Variants in ZNF839 observed in about 807,000 individuals in gnomAD.
The protein encoded by ZNF839 is renal carcinoma antigen NY-REN-50.
ZNF839 carries 38 observed loss-of-function variants against 56.4 expected under a neutral mutation model. That is an observed-to-expected ratio of 0.67 (90% CI 0.52 to 0.88). The LOEUF (loss-of-function observed/expected upper bound fraction) is 0.88, where lower values mean the gene tolerates loss of function less well. Among genes scored for constraint, ZNF839 ranks in the 40% least tolerant of loss-of-function variants. ZNF839 has a pLI of 0.00. For missense variants in ZNF839, 1,091 were observed against 1,177.6 expected (o/e 0.93, Z 1.08); for synonymous variants, 486 against 493.5 (o/e 0.98, Z 0.20).
chr14:102,328,375 AATATATATATATATAT>A (rs71116898), intron 2 of ZNF839, among the ~76,000 whole-genome samples: 239 of 16,332 alleles, frequency 0.015, 8 homozygotes, highest in African/African-American at 0.021. Context: ...AAAAAAAAAA[AATATATATATATATAT>A]ATATATATAT....
chr14:102,323,267 ATGC>A (rs977315514), intron 1 of ZNF839, among the ~76,000 whole-genome samples: 3 of 152,228 alleles, frequency 2.0e-5, no homozygotes, highest in Non-Finnish European at 2.9e-5. Context: ...AGAGGCAGAG[ATGC>A]TGCTGGCCAT....
chr14:102,321,554 G>C (rs908774667), intron 1 of ZNF839, among the ~76,000 whole-genome samples: 1 of 152,204 alleles, frequency 6.6e-6, no homozygotes, highest in African/African-American at 2.4e-5. Context: ...TACCTTTGCA[G>C]CACATTCTTT....
intron 7 of ZNF839, 30 bp from the exon 8 acceptor site, chr14:102,341,293 C>T: frequency 6.6e-7 from 1 of 1,513,564 alleles, no homozygotes; most frequent in Non-Finnish European, 8.8e-7. Context: ...ACAGTACACG[C>T]CATGTTCACC....
chr14:102,319,203 G>T (rs1450990200), upstream of ZNF839: 4 of 152,220 alleles, frequency 2.6e-5, no homozygotes, highest in Non-Finnish European at 4.4e-5. The surrounding 1 kb of genome is among the most constrained non-coding windows in gnomAD (Gnocchi z 4.5). Context: ...CCTGTGCTGG[G>T]CACCGATTGT....
At chr14:102,328,372 AAAAATATATATATATATATAT>A (rs1175547055) in intron 2 of ZNF839, among the ~76,000 whole-genome samples, 50 of 44,486 alleles carry the variant, frequency 1.1e-3, no homozygotes, top group African/African-American at 4.2e-3. Context: ...AAAAAAAAAA[AAAAATATATATATATATATAT>A]ATATATATAT....
At position 102,341,918 on chromosome 14, in the gene ZNF839, G is replaced by A. The variant is rs1427905827; in HGVS notation, c.2523G>A (p.Ser841=). The A allele has an allele frequency of 6.8e-6, 11 of 1,614,024 alleles. No homozygotes were observed. Among genetic ancestry groups the A allele is most frequent in the Middle Eastern group, 1.6e-4 (1 of 6,062 alleles). Residue 841 remains serine (S), a synonymous_variant, in exon 8 of 8, where the codon TCG becomes TCA. Coordinates refer to ENST00000442396, the MANE Select transcript of ZNF839 (RefSeq NM_018335.6). The part of the protein sequence containing the change: ...LLTEGCLRSL[S]GDLNRFPCGM... ...CTGAAGGGTGTCTCAGAAGCCTTTC[G>A]GGGGACTTGAACCGGTTCCCCTGTG...
intron 2 of ZNF839, among the ~76,000 whole-genome samples, chr14:102,329,061 C>G (rs2073631937): frequency 6.6e-6 from 1 of 151,942 alleles, no homozygotes; most frequent in Non-Finnish European, 1.5e-5. Flanking sequence ...CCTCTACCTC[C>G]CGGGTTCAAG....
chr14:102,335,939 G>GACTACA, intron 5 of ZNF839, 101 bp downstream of exon 5: 1 of 1,362,740 alleles, frequency 7.3e-7, no homozygotes, highest in Non-Finnish European at 1.0e-6. Context: ...AGTGCTTTGG[G>GACTACA]AGACTGAGGC....
At chr14:102,328,611 CA>C (rs2073599872) in intron 2 of ZNF839, among the ~76,000 whole-genome samples, 1 of 151,480 alleles carries the variant, frequency 6.6e-6, no homozygotes, top group Non-Finnish European at 1.5e-5. Flanking sequence ...GAAAAAGAAA[CA>C]AAAAAACTAA....
In ZNF839 at chr14:102,334,521, C is replaced by T. The variant is rs115998813; in HGVS notation, c.1417-33C>T. 4.3e-4 allele frequency: 643 copies of T among 1,491,960 alleles called. 2 individuals are homozygous for T. In the African/African-American group the frequency reaches 7.8e-3, roughly 18 times the overall value. 92.4% of individuals were successfully genotyped at this position (1,491,960 alleles called of 1,614,324 possible). ...TGGCTATTGGGAAATTCTTACGGGACATTCAAAGGCATGAAATGCTTTCCC... is the reference window on the plus strand; with the variant it reads ...TGGCTATTGGGAAATTCTTACGGGATATTCAAAGGCATGAAATGCTTTCCC... On this transcript the variant is annotated intron_variant, in intron 3 of 7. Coordinates refer to ENST00000442396, the MANE Select transcript of ZNF839 (RefSeq NM_018335.6).
chr14:102,322,709 T>A (rs906885124), intron 1 of ZNF839, among the ~76,000 whole-genome samples: 13 of 152,114 alleles, frequency 8.5e-5, no homozygotes, highest in African/African-American at 3.1e-4. Flanking sequence ...GGGCTACATG[T>A]ATGCACCATC....
chr14:102,322,673 T>A (rs1165218018), intron 1 of ZNF839, among the ~76,000 whole-genome samples: 1 of 152,156 alleles, frequency 6.6e-6, no homozygotes, highest in Admixed American at 6.5e-5. Flanking sequence ...CAAATGATCC[T>A]CACACCTCAG....
intron 2 of ZNF839, among the ~76,000 whole-genome samples, chr14:102,327,977 C>T (rs925505265): frequency 6.6e-6 from 1 of 152,206 alleles, no homozygotes; most frequent in South Asian, 2.1e-4. Context: ...GTCCTCTCCC[C>T]CTTCTGCTGC....
chr14:102,341,957 C>T lies in ZNF839; in HGVS notation c.2562C>T (p.His854=), dbSNP rs748045383. The stretch of plus-strand genomic sequence containing the variant: ...GGTTCCCCTGTGGGATGGAGGTGCA[C>T]TCTGGCCAGAGAGAACTGGAGAGCG... ...LNRFPCGMEV[H]SGQRELESVV... Residue 854 remains histidine (H), a synonymous_variant, in exon 8 of 8, where the codon CAC becomes CAT. Transcript: ENST00000442396. 2.5e-6 allele frequency: 4 copies of T among 1,613,942 alleles called. No individual in the cohort carries two copies. The highest frequency in any genetic ancestry group is 3.4e-6 in the Non-Finnish European group (4 of 1,179,900).
chr14:102,324,525 A>G (rs188711197), intron 1 of ZNF839, among the ~76,000 whole-genome samples: 1 of 152,174 alleles, frequency 6.6e-6, no homozygotes, highest in Non-Finnish European at 1.5e-5. Flanking sequence ...CCTGGACCAC[A>G]GAGCGAGACT....
At position 102,332,837 on chromosome 14, in the gene ZNF839, G is replaced by A. The variant is rs889118821; in HGVS notation, c.1416+991G>A. On this transcript the variant is annotated intron_variant, in intron 3 of 7. Transcript: ENST00000442396. The surrounding 1 kb of genome is among the most constrained non-coding windows in gnomAD (Gnocchi z 4.9). ...AGGGAGGAGAATCGCTTGAACCCAG[G>A]AGGCGGAGGTTGCAGTGAGCCAAGA... Among the ~76,000 whole-genome samples the A allele has an allele frequency of 2.6e-5, 4 of 152,220 alleles. No individual in the cohort carries two copies. The highest frequency in any genetic ancestry group is 4.4e-5 in the Non-Finnish European group (3 of 68,036).
Position 102,332,422 on chromosome 14 carries a change from C to T in ZNF839, c.1416+576C>T, listed in dbSNP as rs188400638. 6.6e-6 allele frequency among the ~76,000 whole-genome samples: 1 copy of T among 152,086 alleles called. No individual in the cohort carries two copies. Among genetic ancestry groups the T allele is most frequent in the Non-Finnish European group, 1.5e-5 (1 of 68,012 alleles). On this transcript the variant is annotated intron_variant, in intron 3 of 7. Transcript: ENST00000442396. The surrounding 1 kb of genome is among the most constrained non-coding windows in gnomAD (Gnocchi z 4.9). ...TGTTGGGATTACAGGCATGAGCCAC[C>T]ATGCCCGGCCTTCAGAACCATTCTT...
rs904318927 is a variant in ZNF839 at position 102,341,641 on chromosome 14, C to A, written c.2246C>A (p.Pro749His). ...DSLRSPGFCS[P>H]LSSGGGAESL... The stretch of plus-strand genomic sequence containing the variant: ...CTGAGGAGCCCGGGTTTCTGCAGCC[C>A]TTTGTCATCTGGTGGTGGAGCAGAG... The change falls in exon 8 of 8, where the codon CCT becomes CAT. Residue 749 changes from proline (P) to histidine (H), a missense_variant. Pro to His is a moderately conservative substitution (Grantham distance 77). Around this residue, in one of 3 missense-constraint regions of ZNF839, gnomAD observed 431 missense variants for 468.0 expected, o/e 0.92. Transcript: ENST00000442396. 6.2e-7 allele frequency: 1 copy of A among 1,613,994 alleles called. No individual in the cohort carries two copies. The highest frequency in any genetic ancestry group is 1.7e-5 in the Admixed American group (1 of 60,016).
rs550077599 is a variant in ZNF839 at position 102,319,883 on chromosome 14, C to A, written c.118C>A (p.Gln40Lys). 5.4e-6 allele frequency: 7 copies of A among 1,291,116 alleles called. No homozygotes were observed. In the East Asian group the frequency reaches 1.7e-4, roughly 31 times the overall value. 80.0% of individuals were successfully genotyped at this position (1,291,116 alleles called of 1,614,324 possible). A position where few individuals can be genotyped will look rare whatever the true frequency, so the allele number is the denominator to read the frequency against. The change falls in exon 1 of 8, where the codon CAG becomes AAG. Residue 40 changes from glutamine to lysine, a missense_variant. Coordinates refer to ENST00000442396, the MANE Select transcript of ZNF839 (RefSeq NM_018335.6). The surrounding 1 kb of genome is among the most constrained non-coding windows in gnomAD (Gnocchi z 4.5). ...VARVAPLGPE[Q>K]LRQVLEQVTK... Reference sequence around the variant, plus strand: ...ACGTGTGGCCCCGCTGGGCCCCGAGCAGCTGCGGCAGGTCCTGGAGCAGGT... The same window carrying A: ...ACGTGTGGCCCCGCTGGGCCCCGAGAAGCTGCGGCAGGTCCTGGAGCAGGT...
Sources: gnomAD v4.1 joint callset for allele counts (sites outside exome capture counted in the v4.1 genomes callset) on GRCh38, gnomAD v4.1.1 for gene constraint, gnomAD v4.1.1 regional missense constraint, Gnocchi (gnomAD v3.1) non-coding constraint, MANE v1.5 for transcripts, NCBI Gene and HGNC (gene_info 2026-07-23, HGNC 2026-07-21) for gene names.